RNF150: variants seen among roughly 807,000 people sequenced by gnomAD.
RNF150 encodes ring finger protein 150.
In RNF150, 24 loss-of-function variants were observed where a neutral mutation model predicts 39.3. The observed-to-expected ratio is 0.61, with a 90% CI of 0.44 to 0.86. The LOEUF (loss-of-function observed/expected upper bound fraction) is 0.86. Among genes scored for constraint, RNF150 ranks in the 40% least tolerant of loss-of-function variants. RNF150 has a pLI of 0.00. For synonymous variants in RNF150, 255 were observed against 227.3 expected (o/e 1.12, Z -1.10); for missense variants, 502 against 587.8 (o/e 0.85, Z 1.51).
chr4:140,870,166 G>T (rs574127852), intron 6 of RNF150, among the ~76,000 whole-genome samples: 38 of 152,088 alleles, frequency 2.5e-4, no homozygotes, highest in African/African-American at 8.7e-4. Flanking sequence ...ATAGAAATGG[G>T]GTATTTCACA....
At chr4:141,145,822 T>C (rs7664315) in intron 1 of RNF150, among the ~76,000 whole-genome samples, 49,937 of 152,080 alleles carry the variant, frequency 0.33, 9,117 homozygotes, top group East Asian at 0.8. Flanking sequence ...AGATCCAATG[T>C]TCAAGTTCTA....
intron 6 of RNF150, among the ~76,000 whole-genome samples, chr4:140,882,701 T>C (rs1729422048): frequency 6.6e-6 from 1 of 152,174 alleles, no homozygotes; most frequent in African/African-American, 2.4e-5. Context: ...GTGACAGTTG[T>C]TTACTTAGTC....
intron 1 of RNF150, among the ~76,000 whole-genome samples, chr4:141,114,730 T>C (rs1186800182): frequency 6.6e-6 from 1 of 152,164 alleles, no homozygotes; most frequent in Non-Finnish European, 1.5e-5. Context: ...TGAACATCCA[T>C]GCAAAAATCC....
chr4:141,005,870 C>A (rs2110731263), intron 1 of RNF150, among the ~76,000 whole-genome samples: 1 of 132,092 alleles, frequency 7.6e-6, no homozygotes, highest in Admixed American at 7.5e-5. Flanking sequence ...AGATCGAGAC[C>A]ATCCCGGCTA....
rs1728648701 is a variant in RNF150, at chr4:140,865,119, G to A, written c.*3142C>T. The A allele has an allele frequency of 6.6e-6, 1 of 152,098 alleles. No homozygotes were observed. The allele number at this position is 152,098 out of a possible 1,614,324, so 9.4% of individuals were successfully genotyped here. On this transcript the variant is annotated 3_prime_UTR_variant, in exon 7 of 7. Coordinates refer to ENST00000515673, the MANE Select transcript of RNF150 (RefSeq NM_020724.2). ...CACATGTGACTATCCAAATTGAGAGGTGCTGTGAGTGTAAAAGACACAATG... is the reference window on the plus strand; with the variant it reads ...CACATGTGACTATCCAAATTGAGAGATGCTGTGAGTGTAAAAGACACAATG...
At chr4:140,975,561 T>C (rs981701929) in intron 1 of RNF150, among the ~76,000 whole-genome samples, 2 of 152,226 alleles carry the variant, frequency 1.3e-5, no homozygotes, top group African/African-American at 4.8e-5. Context: ...AACCATTCTT[T>C]CTCAGGTGGT....
intron 6 of RNF150, among the ~76,000 whole-genome samples, chr4:140,889,352 C>T (rs1339088712): frequency 2.6e-5 from 4 of 152,146 alleles, no homozygotes; most frequent in Non-Finnish European, 4.4e-5. Flanking sequence ...TTCCTGAATC[C>T]TTACCTATCA....
intron 1 of RNF150, among the ~76,000 whole-genome samples, chr4:141,058,693 A>G (rs1737091195): frequency 6.6e-6 from 1 of 152,146 alleles, no homozygotes; most frequent in South Asian, 2.1e-4. Context: ...ACTACTTCAA[A>G]GGATTGTTAT....
At chr4:141,092,059 T>G (rs1030191666) in intron 1 of RNF150, among the ~76,000 whole-genome samples, 2 of 152,162 alleles carry the variant, frequency 1.3e-5, no homozygotes, top group Non-Finnish European at 2.9e-5. Context: ...AGCTCTCAGA[T>G]CTGGCCAGGT....
In RNF150 at chr4:141,004,197, G is replaced by T. The variant is rs542815081; in HGVS notation, c.485-36324C>A. Among the ~76,000 whole-genome samples, 192 of 149,606 alleles carry T rather than the reference G, an allele frequency of 1.3e-3. 1 individual carries two copies. The highest frequency in any genetic ancestry group is 8.3e-3 in the South Asian group (37 of 4,444). Reference sequence around the variant, plus strand: ...ATACATGATCCCTACTTTCATGGGGGTTTAAACTTTAGTGGGAAGAACAGA... The same window carrying T: ...ATACATGATCCCTACTTTCATGGGGTTTTAAACTTTAGTGGGAAGAACAGA... On this transcript the variant is annotated intron_variant, in intron 1 of 6. Coordinates refer to ENST00000515673, the MANE Select transcript of RNF150 (RefSeq NM_020724.2).
chr4:141,114,193 C>T (rs1739475275), intron 1 of RNF150, among the ~76,000 whole-genome samples: 1 of 151,756 alleles, frequency 6.6e-6, no homozygotes, highest in Admixed American at 6.6e-5. Flanking sequence ...CATGAAAAAC[C>T]CTTCAAAAAA....
chr4:140,960,936 A>G (rs1027577161), intron 2 of RNF150, among the ~76,000 whole-genome samples: 8 of 152,104 alleles, frequency 5.3e-5, no homozygotes, highest in African/African-American at 1.9e-4. Context: ...TTCAACCCTC[A>G]CATCAAGCCT....
chr4:141,056,833 C>G (rs1164679777), intron 1 of RNF150, among the ~76,000 whole-genome samples: 1 of 152,054 alleles, frequency 6.6e-6, no homozygotes, highest in African/African-American at 2.4e-5. Flanking sequence ...TTTTCCCTTA[C>G]TCCTCATTCT....
chr4:141,030,173 G>A (rs1223777004), intron 1 of RNF150, among the ~76,000 whole-genome samples: 4 of 150,086 alleles, frequency 2.7e-5, no homozygotes, highest in Non-Finnish European at 4.4e-5. Flanking sequence ...CAGCCTGGGC[G>A]ACAAAGTGAG....
intron 1 of RNF150, among the ~76,000 whole-genome samples, chr4:140,984,766 C>A (rs992124798): frequency 1.3e-5 from 2 of 152,116 alleles, no homozygotes; most frequent in African/African-American, 4.8e-5. Context: ...CTAGGAGCAG[C>A]CATGAACTAA....
chr4:141,185,154 T>C (rs1727982267), intron 1 of RNF150, among the ~76,000 whole-genome samples: 2 of 152,164 alleles, frequency 1.3e-5, no homozygotes, highest in Non-Finnish European at 2.9e-5. Context: ...ATTCTTCCTG[T>C]CCATGAGCAT....
intron 5 of RNF150, among the ~76,000 whole-genome samples, chr4:140,914,299 C>T (rs1206602659): frequency 6.6e-6 from 1 of 152,148 alleles, no homozygotes; most frequent in Non-Finnish European, 1.5e-5. Flanking sequence ...AGATTATATC[C>T]ACTCTACATG....
intron 5 of RNF150, among the ~76,000 whole-genome samples, chr4:140,916,667 A>G (rs1730844192): frequency 6.6e-6 from 1 of 152,210 alleles, no homozygotes; most frequent in Non-Finnish European, 1.5e-5. Flanking sequence ...GCAGGCCAAC[A>G]TTCAAATTCA....
At chr4:141,164,100 A>G (rs186439641) in intron 1 of RNF150, among the ~76,000 whole-genome samples, 1 of 152,148 alleles carries the variant, frequency 6.6e-6, no homozygotes, top group African/African-American at 2.4e-5. Context: ...CAGTTTAGAG[A>G]AGAACATAAA....
Sources: gnomAD v4.1 joint callset for allele counts (sites outside exome capture counted in the v4.1 genomes callset) on GRCh38, gnomAD v4.1.1 for gene constraint, MANE v1.5 for transcripts, NCBI Gene and HGNC (gene_info 2026-07-23, HGNC 2026-07-21) for gene names.